Variants in PRKN observed in about 807,000 individuals in gnomAD.
PRKN encodes parkin RBR E3 ubiquitin protein ligase, also known as E3 ubiquitin-protein ligase parkin.
PRKN carries 56 observed loss-of-function variants against 59.5 expected under a neutral mutation model. That is an observed-to-expected ratio of 0.94 (90% CI 0.76 to 1.18). The LOEUF (loss-of-function observed/expected upper bound fraction) is 1.18, where lower values mean the gene tolerates loss of function less well. Ranked by LOEUF, PRKN falls within the 50% of genes most tolerant of loss-of-function variation. The pLI, the probability that PRKN is intolerant of heterozygous loss-of-function variation, is 0.00. For synonymous variants in PRKN, 250 were observed against 222.1 expected, an observed-to-expected ratio of 1.13 and a Z score of -1.12; for missense variants, 657 against 596.4, an observed-to-expected ratio of 1.10 and a Z score of -1.06.
At chr6:162,231,933 C>T (rs1453975000) in intron 3 of PRKN, among the ~76,000 whole-genome samples, 4 of 152,154 alleles carry the variant, frequency 2.6e-5, no homozygotes, top group East Asian at 3.9e-4. Flanking sequence ...AAGGGCCTGG[C>T]TGGGTTAAGG....
intron 9 of PRKN, among the ~76,000 whole-genome samples, chr6:161,452,008 T>C (rs1483821056): frequency 6.6e-6 from 1 of 151,908 alleles, no homozygotes; most frequent in Non-Finnish European, 1.5e-5. Flanking sequence ...CAGACTGGAG[T>C]GCAGTGGCAT....
chr6:161,931,320 C>T (rs190159933), intron 6 of PRKN, among the ~76,000 whole-genome samples: 2 of 152,176 alleles, frequency 1.3e-5, no homozygotes, highest in African/African-American at 2.4e-5. Context: ...TGTCTGTAGT[C>T]CCAGCTACTT....
chr6:162,304,291 T>TG (rs1482271467), intron 2 of PRKN, among the ~76,000 whole-genome samples: 1 of 150,738 alleles, frequency 6.6e-6, no homozygotes, highest in East Asian at 1.9e-4. Flanking sequence ...TTTTCTCCTA[T>TG]GTACACACTA....
chr6:161,874,162 A>T (rs529658770), intron 6 of PRKN, among the ~76,000 whole-genome samples: 1 of 37,644 alleles, frequency 2.7e-5, no homozygotes, highest in African/African-American at 1.5e-4. Flanking sequence ...TATATTATAT[A>T]TAATATATAA....
chr6:162,653,306 G>A (rs1778514836), intron 1 of PRKN, among the ~76,000 whole-genome samples: 1 of 105,942 alleles, frequency 9.4e-6, no homozygotes, highest in African/African-American at 4.0e-5. Flanking sequence ...AATTCAGAAT[G>A]GGAGTTTGTG....
intron 6 of PRKN, among the ~76,000 whole-genome samples, chr6:161,916,517 G>A (rs1205549405): frequency 6.6e-6 from 1 of 152,180 alleles, no homozygotes; most frequent in Admixed American, 6.5e-5. Context: ...GATGTGAACA[G>A]AATCAGGATT....
chr6:162,584,182 C>T (rs1217855462), intron 1 of PRKN, among the ~76,000 whole-genome samples: 1 of 141,642 alleles, frequency 7.1e-6, no homozygotes, highest in Admixed American at 7.5e-5. Context: ...CACTGCACTC[C>T]AGCCTGGGCG....
At chr6:162,556,366 T>TGTGTGC (rs1554243441) in intron 1 of PRKN, among the ~76,000 whole-genome samples, 40 of 98,358 alleles carry the variant, frequency 4.1e-4, no homozygotes, top group East Asian at 1.4e-3. Flanking sequence ...TGTGTGTGTG[T>TGTGTGC]GTGTGTGTGT....
intron 6 of PRKN, among the ~76,000 whole-genome samples, chr6:161,916,338 T>A (rs562096686): frequency 1.3e-5 from 2 of 152,260 alleles, no homozygotes; most frequent in East Asian, 1.9e-4. Flanking sequence ...CAATAAAAAA[T>A]TTTTCTAATT....
rs75385853 is a variant in PRKN, at chr6:161,785,545, T to G, written c.871+227A>C. ...TGGCTGAATAATATTGACAAACTTA[T>G]TCTCAATGCCTTTATGCAAATAATG... On this transcript the variant is annotated intron_variant, in intron 7 of 11. Transcript: ENST00000366898. Among the ~76,000 whole-genome samples the G allele has an allele frequency of 6.1e-3, 933 of 152,318 alleles. 58 individuals are homozygous for G. In the East Asian group the frequency reaches 0.15, roughly 25 times the overall value.
At position 161,570,128 on chromosome 6, in the gene PRKN, A is replaced by T. The variant is rs1446427439; in HGVS notation, c.872-712T>A. Among the ~76,000 whole-genome samples the T allele has an allele frequency of 3.7e-4, 41 of 109,704 alleles. No homozygotes were observed. The East Asian group carries it at 6.1e-3, about 16-fold the overall frequency. The allele number at this position is 109,704 out of a possible 152,430, so 72.0% of individuals were successfully genotyped here. On this transcript the variant is annotated intron_variant, in intron 7 of 11. Coordinates refer to ENST00000366898, the MANE Select transcript of PRKN (RefSeq NM_004562.3). ...AAAACAAAGTAAGTAAATAGGTAAA[A>T]AAAAAAAAAAAAAAAAAAATATATA...
intron 4 of PRKN, among the ~76,000 whole-genome samples, chr6:162,072,115 G>A (rs980407689): frequency 2.6e-5 from 4 of 152,012 alleles, no homozygotes; most frequent in Non-Finnish European, 1.5e-5. Flanking sequence ...ACTTTTGCAC[G>A]TCAGGAGGAT....
chr6:162,200,155 A>T (rs1003917656), intron 4 of PRKN, among the ~76,000 whole-genome samples: 5 of 152,034 alleles, frequency 3.3e-5, no homozygotes, highest in African/African-American at 7.2e-5. Flanking sequence ...ACACTTGCAC[A>T]CCTGACTGCC....
chr6:161,951,876 C>T lies in PRKN; in HGVS notation c.734+21426G>A, dbSNP rs143818785. On this transcript the variant is annotated intron_variant, in intron 6 of 11. Coordinates refer to ENST00000366898, the MANE Select transcript of PRKN (RefSeq NM_004562.3). ...GGCGGAGATTACAGTGAGCCAAGATCGAGCCACTGCCAGCCTGGGCAACAG... is the reference window on the plus strand; with the variant it reads ...GGCGGAGATTACAGTGAGCCAAGATTGAGCCACTGCCAGCCTGGGCAACAG... Among the ~76,000 whole-genome samples, 887 of 150,432 alleles carry T rather than the reference C, an allele frequency of 5.9e-3. 7 individuals are homozygous for T. The highest frequency in any genetic ancestry group is 0.02 in the African/African-American group (826 of 40,824).
At chr6:162,316,645 T>C (rs540675753) in intron 2 of PRKN, among the ~76,000 whole-genome samples, 1 of 152,228 alleles carries the variant, frequency 6.6e-6, no homozygotes, top group South Asian at 2.1e-4. Flanking sequence ...TGGGGCCTTT[T>C]CCTTTTGTTT....
chr6:162,456,234 C>T (rs1236034496), intron 1 of PRKN, among the ~76,000 whole-genome samples: 3 of 152,106 alleles, frequency 2.0e-5, no homozygotes, highest in Admixed American at 6.6e-5. Flanking sequence ...ATGCTGAATC[C>T]ATTTCATTCC....
chr6:162,546,911 T>C (rs986337509), intron 1 of PRKN, among the ~76,000 whole-genome samples: 1 of 152,206 alleles, frequency 6.6e-6, no homozygotes, highest in African/African-American at 2.4e-5. Flanking sequence ...TGACTTTTTT[T>C]CTCACATACC....
In PRKN at chr6:161,548,435, T is replaced by C. The variant is rs1779871438; in HGVS notation, c.1083+419A>G. 6.6e-6 allele frequency among the ~76,000 whole-genome samples: 1 copy of C among 152,242 alleles called. No homozygotes were observed. The highest frequency in any genetic ancestry group is 2.4e-5 in the African/African-American group (1 of 41,468). The stretch of plus-strand genomic sequence containing the variant: ...TCCACATTAACCTTCATTTTATTTC[T>C]TGAAATACTCAGGCAAACAATGTCA... On this transcript the variant is annotated intron_variant, in intron 9 of 11. Coordinates refer to ENST00000366898, the MANE Select transcript of PRKN (RefSeq NM_004562.3). The surrounding 1 kb of genome is among the most constrained non-coding windows in gnomAD (Gnocchi z 4.2).
intron 2 of PRKN, among the ~76,000 whole-genome samples, chr6:162,415,439 T>A (rs1244540937): frequency 1.3e-5 from 2 of 152,172 alleles, no homozygotes; most frequent in Non-Finnish European, 2.9e-5. Context: ...AGAGTATCAC[T>A]CATGTATCTA....
Sources: gnomAD v4.1 joint callset for allele counts (sites outside exome capture counted in the v4.1 genomes callset) on GRCh38, gnomAD v4.1.1 for gene constraint, Gnocchi (gnomAD v3.1) non-coding constraint, MANE v1.5 for transcripts, NCBI Gene and HGNC (gene_info 2026-07-23, HGNC 2026-07-21) for gene names.